RAD51B: variants seen among roughly 807,000 people sequenced by gnomAD.
The protein encoded by RAD51B is DNA repair protein RAD51 homolog 2.
Under a neutral mutation model 42.2 loss-of-function variants are expected in RAD51B, and 38 were observed. That is an observed-to-expected ratio of 0.90 (90% confidence interval 0.70 to 1.18). The LOEUF (loss-of-function observed/expected upper bound fraction) is 1.18. Ranked by LOEUF, RAD51B falls within the 50% of genes most tolerant of loss-of-function variation. The pLI is 0.00. For synonymous variants in RAD51B, 154 were observed against 145.2 expected, an observed-to-expected ratio of 1.06 and a Z score of -0.43; for missense variants, 373 against 400.7, an observed-to-expected ratio of 0.93 and a Z score of 0.59.
chr14:68,477,620 C>A, intron 10 of RAD51B, 28 bp from the exon 11 acceptor site: 2 of 1,588,970 alleles, frequency 1.3e-6, no homozygotes, highest in Admixed American at 1.8e-5. Context: ...TTTTTTCAAA[C>A]TTTCTCTTTT....
chr14:68,638,680 C>T (rs759647127), intron 10 of RAD51B, among the ~76,000 whole-genome samples: 2 of 151,976 alleles, frequency 1.3e-5, no homozygotes, highest in African/African-American at 2.4e-5. Context: ...AGAGAGCTGA[C>T]GGTCCAGTGG....
At chr14:68,260,298 C>CGTGTGTGT (rs71281749) in intron 7 of RAD51B, among the ~76,000 whole-genome samples, 978 of 96,544 alleles carry the variant, frequency 0.01, 44 homozygotes, top group Admixed American at 0.017. Context: ...GCTGAGAGAC[C>CGTGTGTGT]GTGTGTGTGT....
intron 7 of RAD51B, among the ~76,000 whole-genome samples, chr14:68,188,397 C>T (rs925073548): frequency 6.6e-6 from 1 of 151,086 alleles, no homozygotes; most frequent in East Asian, 1.9e-4. Context: ...TCCCTCCTCC[C>T]CCTTCCCTTT....
intron 8 of RAD51B, among the ~76,000 whole-genome samples, chr14:68,331,162 G>A (rs890958003): frequency 4.6e-5 from 7 of 151,870 alleles, no homozygotes; most frequent in African/African-American, 1.7e-4. Flanking sequence ...AGGAGTTCAA[G>A]ACCAGCCTGG....
At chr14:67,935,388 A>G (rs571933232) in intron 7 of RAD51B, among the ~76,000 whole-genome samples, 88 of 152,236 alleles carry the variant, frequency 5.8e-4, no homozygotes, top group African/African-American at 2.0e-3. Flanking sequence ...TTTTTCAGAG[A>G]CAGTCTTGCT....
chr14:68,388,632 C>T (rs904576140), intron 8 of RAD51B, among the ~76,000 whole-genome samples: 17 of 152,146 alleles, frequency 1.1e-4, no homozygotes, highest in African/African-American at 4.1e-4. Flanking sequence ...TGTATATATT[C>T]ACTCACTTCA....
At chr14:68,333,054 G>A (rs1255418026) in intron 8 of RAD51B, among the ~76,000 whole-genome samples, 1 of 152,128 alleles carries the variant, frequency 6.6e-6, no homozygotes, top group African/African-American at 2.4e-5. Flanking sequence ...CCCAGCTGAG[G>A]ACTGTTAGCT....
intron 7 of RAD51B, among the ~76,000 whole-genome samples, chr14:68,004,471 T>C (rs566040900): frequency 1.3e-5 from 2 of 152,262 alleles, no homozygotes; most frequent in Admixed American, 6.5e-5. Flanking sequence ...CTTTCTTCAT[T>C]TTCTATTCTC....
chr14:68,107,188 A>G (rs547638892), intron 7 of RAD51B, among the ~76,000 whole-genome samples: 4 of 151,834 alleles, frequency 2.6e-5, no homozygotes. Flanking sequence ...ATAAACAATT[A>G]TTCCTTTTTT....
At chr14:68,210,950 C>G (rs2079692923) in intron 7 of RAD51B, among the ~76,000 whole-genome samples, 1 of 152,186 alleles carries the variant, frequency 6.6e-6, no homozygotes, top group African/African-American at 2.4e-5. Context: ...ATGTTCATTT[C>G]ATTTTCGCAT....
chr14:68,240,377 A>C (rs2080357840), intron 7 of RAD51B, among the ~76,000 whole-genome samples: 1 of 152,242 alleles, frequency 6.6e-6, no homozygotes, highest in Admixed American at 6.5e-5. Context: ...TGTTCAGGAA[A>C]AGCGGAGAGA....
At chr14:68,467,603 C>T (rs2086016740) in intron 9 of RAD51B, among the ~76,000 whole-genome samples, 2 of 152,254 alleles carry the variant, frequency 1.3e-5, no homozygotes, top group African/African-American at 4.8e-5. Context: ...CTATGTCATG[C>T]CACCTGGCAA....
chr14:68,156,085 T>C (rs539758913), intron 7 of RAD51B, among the ~76,000 whole-genome samples: 33 of 152,350 alleles, frequency 2.2e-4, no homozygotes, highest in Middle Eastern at 3.4e-3. Flanking sequence ...TTAAACAGAC[T>C]GTAAAATGAA....
intron 8 of RAD51B, among the ~76,000 whole-genome samples, chr14:68,399,321 A>G (rs1158512633): frequency 1.3e-5 from 2 of 148,972 alleles, no homozygotes; most frequent in East Asian, 4.0e-4. Flanking sequence ...CAGTGGCGCA[A>G]TCTCGGCTCA....
In RAD51B at chr14:68,346,150, T is replaced by C. The variant is rs74384794; in HGVS notation, c.853+54170T>C. ...TGATGTTTTTTATATTACATATTTA[T>C]ATCCCATCTTTTTCCAAAACAGATT... On this transcript the variant is annotated intron_variant, in intron 8 of 10. Transcript: ENST00000471583. 4.7e-3 allele frequency among the ~76,000 whole-genome samples: 717 copies of C among 152,370 alleles called. 5 individuals carry two copies. Among genetic ancestry groups the C allele is most frequent in the African/African-American group, 0.016 (659 of 41,590 alleles).
chr14:68,391,080 C>T (rs190732989), intron 8 of RAD51B, among the ~76,000 whole-genome samples: 92 of 152,284 alleles, frequency 6.0e-4, no homozygotes, highest in African/African-American at 2.2e-3. Context: ...GATATGTTCA[C>T]AAGATACTTT....
At chr14:68,426,265 G>A (rs1215154251) in intron 9 of RAD51B, among the ~76,000 whole-genome samples, 4 of 149,586 alleles carry the variant, frequency 2.7e-5, no homozygotes, top group Admixed American at 6.7e-5. Flanking sequence ...TGGTAGAGAC[G>A]GGGTTTCTCT....
At chr14:68,206,753 T>C (rs1253516855) in intron 7 of RAD51B, among the ~76,000 whole-genome samples, 1 of 151,640 alleles carries the variant, frequency 6.6e-6, no homozygotes, top group African/African-American at 2.4e-5. Flanking sequence ...CTGCCTAAGC[T>C]CTGAAATCAC....
chr14:68,497,094 T>C, intron 10 of RAD51B: 1 of 1,365,852 alleles, frequency 7.3e-7, no homozygotes, highest in South Asian at 1.2e-5. Flanking sequence ...TCTAGGTATC[T>C]TGACACTCAT....
Sources: gnomAD v4.1 joint callset for allele counts (sites outside exome capture counted in the v4.1 genomes callset) on GRCh38, gnomAD v4.1.1 for gene constraint, MANE v1.5 for transcripts, NCBI Gene and HGNC (gene_info 2026-07-23, HGNC 2026-07-21) for gene names.